Variants in ITGA9 observed in about 807,000 individuals in gnomAD.
ITGA9 encodes the protein integrin subunit alpha 9.
ITGA9 carries 56 observed loss-of-function variants against 127.8 expected under a neutral mutation model. That is an observed-to-expected ratio of 0.44 (90% CI 0.35 to 0.55). The LOEUF (loss-of-function observed/expected upper bound fraction) is 0.55, where lower values mean the gene tolerates loss of function less well. Among genes scored for constraint, ITGA9 ranks in the 20% least tolerant of loss-of-function variants. The pLI, the probability that ITGA9 is intolerant of heterozygous loss-of-function variation, is 0.00. For synonymous variants in ITGA9, 508 were observed against 514.5 expected (o/e 0.99, Z 0.17); for missense variants, 1,196 against 1,347.1 (o/e 0.89, Z 1.76).
chr3:37,702,762 G>A (rs1315697494), intron 18 of ITGA9, among the ~76,000 whole-genome samples: 2 of 152,118 alleles, frequency 1.3e-5, no homozygotes, highest in African/African-American at 2.4e-5. Flanking sequence ...GACAATCACA[G>A]TTGGGAAATG....
intron 17 of ITGA9, among the ~76,000 whole-genome samples, chr3:37,676,197 A>G (rs1408746435): frequency 6.6e-6 from 1 of 152,242 alleles, no homozygotes. Context: ...AATTTAATGC[A>G]GTATATCCCA....
intron 15 of ITGA9, among the ~76,000 whole-genome samples, chr3:37,600,797 C>T (rs112988051): frequency 1.3e-5 from 2 of 152,188 alleles, no homozygotes; most frequent in African/African-American, 4.8e-5. Flanking sequence ...TCGGTATGCA[C>T]CCCTTCCTAG....
intron 26 of ITGA9, among the ~76,000 whole-genome samples, chr3:37,794,660 A>G (rs1246937260): frequency 2.0e-5 from 3 of 152,210 alleles, no homozygotes; most frequent in Non-Finnish European, 4.4e-5. Flanking sequence ...TAAACCTCTC[A>G]GCATGGTGCC....
At chr3:37,813,707 C>T (rs1697395439) in intron 27 of ITGA9, among the ~76,000 whole-genome samples, 1 of 151,992 alleles carries the variant, frequency 6.6e-6, no homozygotes, top group African/African-American at 2.4e-5. Flanking sequence ...GATATTTTTT[C>T]TGTTCTTGAT....
intron 17 of ITGA9, among the ~76,000 whole-genome samples, chr3:37,678,445 G>C (rs1042971779): frequency 6.6e-6 from 1 of 152,184 alleles, no homozygotes; most frequent in Non-Finnish European, 1.5e-5. Context: ...AAGGAGTGAA[G>C]GATGGACGGA....
At chr3:37,616,661 A>G (rs1700077754) in intron 15 of ITGA9, among the ~76,000 whole-genome samples, 1 of 152,192 alleles carries the variant, frequency 6.6e-6, no homozygotes, top group African/African-American at 2.4e-5. Context: ...TATTGGGTGC[A>G]TATATATTTA....
rs147755016 is a variant in ITGA9, at chr3:37,695,554, G to A, written c.2067+11539G>A. Reference sequence around the variant, plus strand: ...AATTTAACAGAGAATGTGAATGTACGGCTACAGTCCGTCACCATCCAGCTT... The same window carrying A: ...AATTTAACAGAGAATGTGAATGTACAGCTACAGTCCGTCACCATCCAGCTT... On this transcript the variant is annotated intron_variant, in intron 18 of 27. Coordinates refer to ENST00000264741, the MANE Select transcript of ITGA9 (RefSeq NM_002207.3). Among the ~76,000 whole-genome samples, 720 of 152,282 alleles carry A rather than the reference G, an allele frequency of 4.7e-3. 10 individuals carry two copies. The highest frequency in any genetic ancestry group is 0.03 in the South Asian group (145 of 4,830).
intron 17 of ITGA9, among the ~76,000 whole-genome samples, chr3:37,676,982 A>T (rs1265214912): frequency 6.6e-6 from 1 of 152,222 alleles, no homozygotes; most frequent in Non-Finnish European, 1.5e-5. Flanking sequence ...TCATTCTTTC[A>T]GATGTGGCTC....
chr3:37,512,113 C>T lies in ITGA9; in HGVS notation c.898-1650C>T, dbSNP rs1436875740. Among the ~76,000 whole-genome samples, 23 of 75,604 alleles carry T rather than the reference C, an allele frequency of 3.0e-4. 2 individuals carry two copies. Among genetic ancestry groups the T allele is most frequent in the African/African-American group, 9.4e-4 (16 of 17,072 alleles). 49.6% of individuals were successfully genotyped at this position (75,604 alleles called of 152,430 possible). ...CCTTCCTTCCTTCCTTCCTTCCTTC[C>T]TTCCTTCTTTCTTTTCTTTTCTTTT... is the stretch of plus-strand genomic sequence containing the variant. On this transcript the variant is annotated intron_variant, in intron 8 of 27. Transcript: ENST00000264741.
intron 15 of ITGA9, among the ~76,000 whole-genome samples, chr3:37,618,975 CCACT>C (rs1041063502): frequency 4.6e-5 from 7 of 152,096 alleles, no homozygotes; most frequent in African/African-American, 1.7e-4. Context: ...TGTCCTGCAC[CCACT>C]GTCTGACACT....
chr3:37,719,154 G>T (rs1445100988), intron 18 of ITGA9, among the ~76,000 whole-genome samples: 1 of 152,206 alleles, frequency 6.6e-6, no homozygotes, highest in African/African-American at 2.4e-5. Flanking sequence ...AGGCCGTTTT[G>T]TGCTGGTCTA....
At chr3:37,687,281 G>C (rs1700791108) in intron 18 of ITGA9, among the ~76,000 whole-genome samples, 1 of 152,156 alleles carries the variant, frequency 6.6e-6, no homozygotes, top group African/African-American at 2.4e-5. Flanking sequence ...ATATGTTATA[G>C]TCAGGAAAGA....
In ITGA9 at chr3:37,799,700, C is replaced by T. The variant is rs901628486; in HGVS notation, c.2890-4123C>T. ...TGCCTTAGAAAAACAACTCTATCAGCAAGGAGGCCTTTCCAAGCCTCCTGA... is the reference window on the plus strand; with the variant it reads ...TGCCTTAGAAAAACAACTCTATCAGTAAGGAGGCCTTTCCAAGCCTCCTGA... On this transcript the variant is annotated intron_variant, in intron 26 of 27. Transcript: ENST00000264741. This position sits in a 1 kb window ranked among gnomAD's most constrained non-coding sequence, Gnocchi z 4.0. Among the ~76,000 whole-genome samples the T allele has an allele frequency of 1.2e-4, 19 of 152,078 alleles. No homozygotes were observed. The highest frequency in any genetic ancestry group is 2.4e-4 in the Non-Finnish European group (16 of 68,004).
chr3:37,618,457 C>T (rs1475884922), intron 15 of ITGA9, among the ~76,000 whole-genome samples: 1 of 152,240 alleles, frequency 6.6e-6, no homozygotes, highest in Non-Finnish European at 1.5e-5. Context: ...TCTCAAGCTG[C>T]CTGCTGGGAG....
At chr3:37,704,044 G>C (rs969660033) in intron 18 of ITGA9, among the ~76,000 whole-genome samples, 2 of 152,124 alleles carry the variant, frequency 1.3e-5, no homozygotes. Context: ...CATCTTCTTT[G>C]CATAAAGAGG....
At chr3:37,746,323 G>A (rs1696500048) in intron 22 of ITGA9, among the ~76,000 whole-genome samples, 1 of 152,148 alleles carries the variant, frequency 6.6e-6, no homozygotes, top group Non-Finnish European at 1.5e-5. Context: ...ACAGGAGAAA[G>A]GCAGAAATAC....
chr3:37,761,519 A>G (rs1456343719), intron 23 of ITGA9, among the ~76,000 whole-genome samples: 1 of 152,230 alleles, frequency 6.6e-6, no homozygotes, highest in Non-Finnish European at 1.5e-5. Context: ...ACCAAAAAGT[A>G]TGAAATCTTA....
At chr3:37,561,353 C>T (rs1222260968) in intron 15 of ITGA9, among the ~76,000 whole-genome samples, 4 of 152,190 alleles carry the variant, frequency 2.6e-5, no homozygotes, top group African/African-American at 9.7e-5. Flanking sequence ...CCGTATCAGA[C>T]AGTGCAGGTC....
At chr3:37,562,138 T>G (rs955575137) in intron 15 of ITGA9, among the ~76,000 whole-genome samples, 12 of 152,196 alleles carry the variant, frequency 7.9e-5, no homozygotes, top group Non-Finnish European at 1.8e-4. Context: ...AGCTCTGGCC[T>G]TCTGGTTGTG....
Sources: allele counts gnomAD v4.1 joint callset (sites outside exome capture counted in the v4.1 genomes callset), GRCh38; gene constraint gnomAD v4.1.1; non-coding constraint Gnocchi (gnomAD v3.1); transcripts MANE v1.5; gene names NCBI Gene and HGNC (gene_info 2026-07-23, HGNC 2026-07-21).